The following KRTAP10-1 variants were observed in gnomAD, a reference collection of about 807,000 sequenced individuals.
KRTAP10-1 encodes keratin-associated protein 10-1.
For synonymous variants in KRTAP10-1, 155 were observed against 153.3 expected (o/e 1.01, Z -0.08); for missense variants, 364 against 369.2 (o/e 0.99, Z 0.12).
Position 44,539,029 on chromosome 21 carries a change from G to T in KRTAP10-1, c.*273C>A. 2 of 583,668 alleles carry T rather than the reference G, an allele frequency of 3.4e-6. No homozygotes were observed. The highest frequency in any genetic ancestry group is 4.4e-5 in the South Asian group (2 of 45,052). 36.2% of individuals were successfully genotyped at this position (583,668 alleles called of 1,614,324 possible). The stretch of plus-strand genomic sequence containing the variant: ...TGGGGAGCAGGAGGAGGTGCTGAGA[G>T]GTTCAAGTCGAGGCCAAGTGACCCA... On this transcript the variant is annotated 3_prime_UTR_variant, in exon 1 of 1. Coordinates refer to ENST00000400375, the MANE Select transcript of KRTAP10-1 (RefSeq NM_198691.3).
In KRTAP10-1 at chr21:44,539,171, ACCT is replaced by A. The variant is rs2053151887; in HGVS notation, c.*128_*130del. 7.1e-7 allele frequency: 1 copy of A among 1,416,742 alleles called. No individual in the cohort carries two copies. Among genetic ancestry groups the A allele is most frequent in the African/African-American group, 1.4e-5 (1 of 69,420 alleles). The allele number at this position is 1,416,742 out of a possible 1,614,324, so 87.8% of individuals were successfully genotyped here. A position where few individuals can be genotyped will look rare whatever the true frequency, so the allele number is the denominator to read the frequency against. The stretch of plus-strand genomic sequence containing the variant: ...CTCCTGGGAGCAAGGAGGGGGGGTC[ACCT>A]CAGCACAGGGGAGACACGGGGACCC... On this transcript the variant is annotated 3_prime_UTR_variant, in exon 1 of 1. Transcript: ENST00000400375.
At position 44,539,199 on chromosome 21, in the gene KRTAP10-1, C is replaced by G; in HGVS notation, c.*103G>C. On this transcript the variant is annotated 3_prime_UTR_variant, in exon 1 of 1. Transcript: ENST00000400375. ...TCAGCACAGGGGAGACACGGGGACC[C>G]GTCCTAGGTGGGGGAAGCCACCTAA... is the stretch of plus-strand genomic sequence containing the variant. 1 of 1,509,024 alleles carries G rather than the reference C, an allele frequency of 6.6e-7. No individual in the cohort carries two copies. Among genetic ancestry groups the G allele is most frequent in the African/African-American group, 1.4e-5 (1 of 72,576 alleles). 93.5% of individuals were successfully genotyped at this position (1,509,024 alleles called of 1,614,324 possible).
rs200334184 is a variant in KRTAP10-1, at chr21:44,539,736, G to C, written c.415C>G (p.Gln139Glu). The C allele has an allele frequency of 1.4e-4, 225 of 1,612,598 alleles. 1 individual carries two copies. In the African/African-American group the frequency reaches 2.8e-3, roughly 20 times the overall value. Residue 139 changes from glutamine (Q) to glutamate (E), a missense_variant, in exon 1 of 1, where the codon CAG (glutamine) becomes GAG (glutamate). Transcript: ENST00000400375. ...CAGCAAACAGGCACACAGCAGGACT[G>C]CTGGCTGGAGGAAGAGGCACAGCAA... Reference protein sequence around the residue: ...PTCCASSSSQQSCCVPVCCKP... With the variant: ...PTCCASSSSQESCCVPVCCKP...
Position 44,539,160 on chromosome 21 carries a change from G to A in KRTAP10-1, c.*142C>T, listed in dbSNP as rs1438696484. On this transcript the variant is annotated 3_prime_UTR_variant, in exon 1 of 1. Coordinates refer to ENST00000400375, the MANE Select transcript of KRTAP10-1 (RefSeq NM_198691.3). ...AAGGATGGAGGCTCCTGGGAGCAAGGAGGGGGGGTCACCTCAGCACAGGGG... is the reference window on the plus strand; with the variant it reads ...AAGGATGGAGGCTCCTGGGAGCAAGAAGGGGGGGTCACCTCAGCACAGGGG... 1.7e-5 allele frequency: 24 copies of A among 1,388,412 alleles called. No individual in the cohort carries two copies. The highest frequency in any genetic ancestry group is 2.3e-5 in the Non-Finnish European group (24 of 1,052,796). 86.0% of individuals were successfully genotyped at this position (1,388,412 alleles called of 1,614,324 possible).
chr21:44,540,195 A>C lies in KRTAP10-1; in HGVS notation c.-45T>G, dbSNP rs781937505. On this transcript the variant is annotated 5_prime_UTR_variant, in exon 1 of 1. Coordinates refer to ENST00000400375, the MANE Select transcript of KRTAP10-1 (RefSeq NM_198691.3). Reference sequence around the variant, plus strand: ...GAGCTGCGGGAGGTGTGAGTGAGTGAGTGTGGGAGTCAGTGTGTGTGTGAG... The same window carrying C: ...GAGCTGCGGGAGGTGTGAGTGAGTGCGTGTGGGAGTCAGTGTGTGTGTGAG... 8.8e-6 allele frequency: 14 copies of C among 1,592,190 alleles called. No individual in the cohort carries two copies. The African/African-American group carries it at 1.5e-4, about 17-fold the overall frequency.
In KRTAP10-1 at chr21:44,539,265, C is replaced by T. The variant is rs782011507; in HGVS notation, c.*37G>A. 1.1e-5 allele frequency: 18 copies of T among 1,595,310 alleles called. No individual in the cohort carries two copies. The South Asian group carries it at 1.7e-4, about 15-fold the overall frequency. ...GAGCCCAGCTGGCCCAGGGCGGGTG[C>T]CCATCAGCAGCTGGACTCCTGGCCT... On this transcript the variant is annotated 3_prime_UTR_variant, in exon 1 of 1. Transcript: ENST00000400375.
In KRTAP10-1 at chr21:44,540,057, A is replaced by T. The variant is rs781918670; in HGVS notation, c.94T>A (p.Cys32Ser). 2.0e-5 allele frequency: 32 copies of T among 1,613,326 alleles called. No individual in the cohort carries two copies. Among genetic ancestry groups the T allele is most frequent in the Admixed American group, 8.3e-5 (5 of 60,018 alleles). The change falls in exon 1 of 1, where the codon TGC becomes AGC. Residue 32 changes from cysteine (C) to serine (S), a missense_variant. By Grantham distance (112) the Cys-to-Ser change is moderately radical (BLOSUM62 -1). Transcript: ENST00000400375. Reference sequence around the variant, plus strand: ...GCCGGGGCGCAGCAGCTGAGGGCGCAGCAGTGGGGCTCACAGCAGCTCTCT... The same window carrying T: ...GCCGGGGCGCAGCAGCTGAGGGCGCTGCAGTGGGGCTCACAGCAGCTCTCT... The part of the protein sequence containing the change: ...CPESCCEPHC[C>S]ALSCCAPAPC...
In KRTAP10-1 at chr21:44,539,441, C is replaced by T. The variant is rs782587140; in HGVS notation, c.710G>A (p.Arg237His). The change falls in exon 1 of 1, where the codon CGC (arginine) becomes CAC (histidine). Residue 237 changes from arginine to histidine, a missense_variant. By Grantham distance (29) the Arg-to-His change is conservative. Coordinates refer to ENST00000400375, the MANE Select transcript of KRTAP10-1 (RefSeq NM_198691.3). ...ACAGCAGGCGGGCCGGCATACAGGG[C>T]GGCAGAGGAGGGACACGGAGGAGGA... is the stretch of plus-strand genomic sequence containing the variant. ...RPSSSVSLLC[R>H]PVCRPACCMP... The T allele has an allele frequency of 1.6e-5, 25 of 1,612,730 alleles. No homozygotes were observed. Among genetic ancestry groups the T allele is most frequent in the South Asian group, 5.5e-5 (5 of 91,042 alleles).
chr21:44,539,290 T>C lies in KRTAP10-1; in HGVS notation c.*12A>G, dbSNP rs1381719997. 1.2e-6 allele frequency: 2 copies of C among 1,605,964 alleles called. No individual in the cohort carries two copies. Among genetic ancestry groups the C allele is most frequent in the African/African-American group, 1.3e-5 (1 of 74,784 alleles). ...CCCATCAGCAGCTGGACTCCTGGCC[T>C]GAGCAGAGGCCTCAGCAGGCCGGGC... On this transcript the variant is annotated 3_prime_UTR_variant, in exon 1 of 1. Transcript: ENST00000400375.
In KRTAP10-1 at chr21:44,539,485, G is replaced by A. The variant is rs1555916842; in HGVS notation, c.666C>T (p.Thr222=). 3 of 1,613,852 alleles carry A rather than the reference G, an allele frequency of 1.9e-6. No homozygotes were observed. The highest frequency in any genetic ancestry group is 2.5e-6 in the Non-Finnish European group (3 of 1,179,776). Residue 222 remains threonine, a synonymous_variant, in exon 1 of 1, where the codon ACC becomes ACT. Coordinates refer to ENST00000400375, the MANE Select transcript of KRTAP10-1 (RefSeq NM_198691.3). The part of the protein sequence containing the change: ...QQSSCQPACC[T]TSCCRPSSSV... The stretch of plus-strand genomic sequence containing the variant: ...AGGAGGAGGGTCTGCAGCAGGAGGT[G>A]GTGCAGCAAGCCGGCTGGCAGCTAG...
rs2053164803 is a variant in KRTAP10-1, at chr21:44,539,475, A to C, written c.676T>G (p.Cys226Gly). 2 of 1,613,694 alleles carry C rather than the reference A, an allele frequency of 1.2e-6. No individual in the cohort carries two copies. The highest frequency in any genetic ancestry group is 1.7e-5 in the Admixed American group (1 of 59,996). The stretch of plus-strand genomic sequence containing the variant: ...AGGGACACGGAGGAGGAGGGTCTGC[A>C]GCAGGAGGTGGTGCAGCAAGCCGGC... ...CQPACCTTSC[C>G]RPSSSVSLLC... The change falls in exon 1 of 1, where the codon TGC becomes GGC. Residue 226 changes from cysteine to glycine, a missense_variant. By Grantham distance (159) the Cys-to-Gly change is radical. Coordinates refer to ENST00000400375, the MANE Select transcript of KRTAP10-1 (RefSeq NM_198691.3).
Position 44,539,458 on chromosome 21 carries a change from G to A in KRTAP10-1, c.693C>T (p.Ser231=), listed in dbSNP as rs782421332. 63 of 1,595,178 alleles carry A rather than the reference G, an allele frequency of 3.9e-5. No individual in the cohort carries two copies. The highest frequency in any genetic ancestry group is 1.7e-4 in the Admixed American group (10 of 59,264). Residue 231 remains serine, a synonymous_variant, in exon 1 of 1, where the codon TCC becomes TCT. Transcript: ENST00000400375. ...CTTSCCRPSS[S]VSLLCRPVCR... is the part of the protein sequence containing the mutation. The stretch of plus-strand genomic sequence containing the variant: ...ATACAGGGCGGCAGAGGAGGGACAC[G>A]GAGGAGGAGGGTCTGCAGCAGGAGG...
chr21:44,539,939 C>A lies in KRTAP10-1; in HGVS notation c.212G>T (p.Cys71Phe). 1 of 1,613,736 alleles carries A rather than the reference C, an allele frequency of 6.2e-7. No homozygotes were observed. The highest frequency in any genetic ancestry group is 8.5e-7 in the Non-Finnish European group (1 of 1,179,956). The part of the protein sequence containing the change: ...ACEPSPCQSG[C>F]TSSCTPSCCQ... ...GCACGAGGGCGTGCAGGAGCTGGTGCAGCCTGATTGGCAGGGGCTGGGCTC... is the reference window on the plus strand; with the variant it reads ...GCACGAGGGCGTGCAGGAGCTGGTGAAGCCTGATTGGCAGGGGCTGGGCTC... Residue 71 changes from cysteine (C) to phenylalanine (F), a missense_variant, in exon 1 of 1, where the codon TGC (cysteine) becomes TTC (phenylalanine). Physicochemically the swap from Cys to Phe is radical, Grantham distance 205 (BLOSUM62 -2). Transcript: ENST00000400375.
chr21:44,539,548 G>A lies in KRTAP10-1; in HGVS notation c.603C>T (p.Pro201=), dbSNP rs587600458. The A allele has an allele frequency of 5.3e-5, 86 of 1,613,830 alleles. No individual in the cohort carries two copies. Among genetic ancestry groups the A allele is most frequent in the East Asian group, 3.8e-4 (17 of 44,846 alleles). The change falls in exon 1 of 1, where the codon CCC becomes CCT. Residue 201 remains proline, a synonymous_variant. Transcript: ENST00000400375. ...ATGAAGTGGAAGCCCCAGAGCAGAC[G>A]GGCACACAGCAGATGGGCTTGCAGC... ...PVCCKPICCV[P]VCSGASTSCC... is the part of the protein sequence containing the mutation.
At position 44,539,782 on chromosome 21, in the gene KRTAP10-1, C is replaced by T. The variant is rs1555916917; in HGVS notation, c.369G>A (p.Gln123=). Residue 123 remains glutamine (Q), a synonymous_variant, in exon 1 of 1, where the codon CAG becomes CAA. Coordinates refer to ENST00000400375, the MANE Select transcript of KRTAP10-1 (RefSeq NM_198691.3). Reference sequence around the variant, plus strand: ...AGCAAGTTGGCTGGCAGCTAGACTGCTGGCAGCATGAAGAGGAATCCTTAG... The same window carrying T: ...AGCAAGTTGGCTGGCAGCTAGACTGTTGGCAGCATGAAGAGGAATCCTTAG... ...TCSKDSSSCC[Q]QSSCQPTCCA... is the part of the protein sequence containing the mutation. The T allele has an allele frequency of 5.6e-6, 9 of 1,612,114 alleles. No individual in the cohort carries two copies. The highest frequency in any genetic ancestry group is 2.2e-5 in the East Asian group (1 of 44,772).
At position 44,540,179 on chromosome 21, in the gene KRTAP10-1, G is replaced by A. The variant is rs1555917063; in HGVS notation, c.-29C>T. 8.1e-6 allele frequency: 13 copies of A among 1,604,114 alleles called. No individual in the cohort carries two copies. The highest frequency in any genetic ancestry group is 1.1e-5 in the Non-Finnish European group (13 of 1,175,246). On this transcript the variant is annotated 5_prime_UTR_variant, in exon 1 of 1. Coordinates refer to ENST00000400375, the MANE Select transcript of KRTAP10-1 (RefSeq NM_198691.3). ...GGGGTGGGGAGGAGGTGAGCTGCGGGAGGTGTGAGTGAGTGAGTGTGGGAG... is the reference window on the plus strand; with the variant it reads ...GGGGTGGGGAGGAGGTGAGCTGCGGAAGGTGTGAGTGAGTGAGTGTGGGAG...
rs781883378 is a variant in KRTAP10-1, at chr21:44,540,175, G to A, written c.-25C>T. 1.2e-6 allele frequency: 2 copies of A among 1,605,404 alleles called. No individual in the cohort carries two copies. Among genetic ancestry groups the A allele is most frequent in the African/African-American group, 1.3e-5 (1 of 74,848 alleles). On this transcript the variant is annotated 5_prime_UTR_variant, in exon 1 of 1. Transcript: ENST00000400375. ...TGCTGGGGTGGGGAGGAGGTGAGCT[G>A]CGGGAGGTGTGAGTGAGTGAGTGTG... is the stretch of plus-strand genomic sequence containing the variant.
Position 44,539,880 on chromosome 21 carries a change from T to C in KRTAP10-1, c.271A>G (p.Thr91Ala), listed in dbSNP as rs782124753. 4.4e-5 allele frequency: 70 copies of C among 1,574,084 alleles called. No individual in the cohort carries two copies. The highest frequency in any genetic ancestry group is 9.6e-5 in the African/African-American group (7 of 72,770). ...QQSSCQPACCTSSPCQQACCV... is the reference protein window; with the variant it reads ...QQSSCQPACCASSPCQQACCV... ...CAGGCCTGCTGGCAGGGGGAGGAGGTGCAGCAAGCCGGCTGGCAGCTAGAC... is the reference window on the plus strand; with the variant it reads ...CAGGCCTGCTGGCAGGGGGAGGAGGCGCAGCAAGCCGGCTGGCAGCTAGAC... Residue 91 changes from threonine (T) to alanine (A), a missense_variant, in exon 1 of 1, where the codon ACC becomes GCC. Thr to Ala is a moderately conservative substitution (Grantham distance 58). Transcript: ENST00000400375.
rs2053149067 is a variant in KRTAP10-1 at position 44,539,053 on chromosome 21, C to T, written c.*249G>A. The T allele has an allele frequency of 1.1e-5, 7 of 630,584 alleles. No individual in the cohort carries two copies. The highest frequency in any genetic ancestry group is 4.3e-4 in the Middle Eastern group (1 of 2,350). 39.1% of individuals were successfully genotyped at this position (630,584 alleles called of 1,614,324 possible). ...AGGTTCAAGTCGAGGCCAAGTGACC[C>T]AGAGCAGAGAAGCTGGGAGGGAGGA... On this transcript the variant is annotated 3_prime_UTR_variant, in exon 1 of 1. Transcript: ENST00000400375.
Sources: gnomAD v4.1 joint callset for allele counts on GRCh38, gnomAD v4.1.1 for gene constraint, MANE v1.5 for transcripts, NCBI Gene and HGNC (gene_info 2026-07-23, HGNC 2026-07-21) for gene names.